BPGM: variants seen among roughly 807,000 people sequenced by gnomAD.
BPGM encodes the protein 2,3-bisphosphoglycerate mutase, erythrocyte.
A neutral mutation model predicts 21.6 loss-of-function variants in BPGM; 15 were observed. That is an observed-to-expected ratio of 0.70 (90% CI 0.47 to 1.07). The LOEUF (loss-of-function observed/expected upper bound fraction) is 1.07, where lower values mean the gene tolerates loss of function less well. Among genes scored for constraint, BPGM ranks in the 50% least tolerant of loss-of-function variants. BPGM has a pLI of 0.00. For synonymous variants in BPGM, 113 were observed against 116.2 expected (o/e 0.97, Z 0.18); for missense variants, 273 against 319.0 (o/e 0.86, Z 1.10).
rs1239636418 is a variant in BPGM, at chr7:134,661,368, T to C, written c.-61-79T>C. 2.4e-5 allele frequency: 29 copies of C among 1,230,236 alleles called. No homozygotes were observed. In the East Asian group the frequency reaches 3.5e-4, roughly 15 times the overall value. 76.2% of individuals were successfully genotyped at this position (1,230,236 alleles called of 1,614,324 possible). On this transcript the variant is annotated intron_variant, in intron 1 of 2. Transcript: ENST00000344924. This position sits in a 1 kb window ranked among gnomAD's most constrained non-coding sequence, Gnocchi z 4.6. ...AAGGGATTTCAGTTTCTTTTAGAAA[T>C]TGGGTGTTGTAAAGCGATGTTTCTA...
At chr7:134,670,310 G>C (rs1795884205) in intron 2 of BPGM, among the ~76,000 whole-genome samples, 2 of 152,208 alleles carry the variant, frequency 1.3e-5, no homozygotes, top group African/African-American at 4.8e-5. Context: ...GGGACTAGCT[G>C]TGGGGACGGG....
At position 134,665,649 on chromosome 7, in the gene BPGM, GAAAAAAAAA is replaced by G. The variant is rs1164169964; in HGVS notation, c.601+3557_601+3565del. Among the ~76,000 whole-genome samples the G allele has an allele frequency of 4.2e-4, 33 of 78,192 alleles. 8 individuals carry two copies. Among genetic ancestry groups the G allele is most frequent in the Admixed American group, 1.0e-3 (7 of 6,786 alleles). The allele number at this position is 78,192 out of a possible 152,430, so 51.3% of individuals were successfully genotyped here. ...AAAATAAAATAAAATAAAAATTAAT[GAAAAAAAAA>G]AAAAAAAAAAAAAAAGTGCAGCTTT... is the stretch of plus-strand genomic sequence containing the variant. On this transcript the variant is annotated intron_variant, in intron 2 of 2. Transcript: ENST00000344924.
Position 134,661,930 on chromosome 7 carries a change from G to C in BPGM, c.423G>C (p.Arg141Ser). ...ACCAAGAAATCTACAACGACCGGAG[G>C]TATAAAGTATGCGATGTGCCCTTGG... ...PYYQEIYNDRRYKVCDVPLDQ... is the reference protein window; with the variant it reads ...PYYQEIYNDRSYKVCDVPLDQ... Residue 141 changes from arginine to serine, a missense_variant, in exon 2 of 3, where the codon AGG (arginine) becomes AGC (serine). Coordinates refer to ENST00000344924, the MANE Select transcript of BPGM (RefSeq NM_001724.5). The surrounding 1 kb of genome is among the most constrained non-coding windows in gnomAD (Gnocchi z 4.6). The C allele has an allele frequency of 6.2e-7, 1 of 1,614,034 alleles. No homozygotes were observed. Among genetic ancestry groups the C allele is most frequent in the Non-Finnish European group, 8.5e-7 (1 of 1,179,920 alleles).
At chr7:134,676,157 T>A (rs945057259) in intron 2 of BPGM, among the ~76,000 whole-genome samples, 1 of 152,188 alleles carries the variant, frequency 6.6e-6, no homozygotes, top group Non-Finnish European at 1.5e-5. Context: ...TCTGGGTGCC[T>A]TTTATTTCAT....
At chr7:134,654,902 A>G (rs1308338008) in intron 1 of BPGM, among the ~76,000 whole-genome samples, 2 of 152,204 alleles carry the variant, frequency 1.3e-5, no homozygotes, top group Non-Finnish European at 2.9e-5. Context: ...GGGAAGGTAA[A>G]TGGACAAGAG....
At chr7:134,670,503 C>T (rs936683962) in intron 2 of BPGM, among the ~76,000 whole-genome samples, 9 of 152,092 alleles carry the variant, frequency 5.9e-5, no homozygotes, top group South Asian at 2.1e-4. Flanking sequence ...TAAAATTAAA[C>T]GTAGAATGGA....
intron 1 of BPGM, among the ~76,000 whole-genome samples, chr7:134,652,912 A>G (rs1460060708): frequency 6.6e-6 from 1 of 152,180 alleles, no homozygotes; most frequent in Non-Finnish European, 1.5e-5. Context: ...TATCTTGGCT[A>G]TTGTGAATAG....
At chr7:134,670,675 C>T (rs1795890075) in intron 2 of BPGM, among the ~76,000 whole-genome samples, 1 of 151,812 alleles carries the variant, frequency 6.6e-6, no homozygotes, top group Non-Finnish European at 1.5e-5. Flanking sequence ...CTCTTATTGG[C>T]CATAAAGGAA....
intron 1 of BPGM, among the ~76,000 whole-genome samples, chr7:134,655,336 T>G (rs1795619871): frequency 1.3e-5 from 2 of 152,174 alleles, no homozygotes; most frequent in African/African-American, 4.8e-5. Context: ...GTTCACCTTG[T>G]TCGTTTGCGT....
chr7:134,660,916 C>A (rs968595035), intron 1 of BPGM, among the ~76,000 whole-genome samples: 1 of 152,148 alleles, frequency 6.6e-6, no homozygotes, highest in African/African-American at 2.4e-5. Context: ...TTGCCACCAG[C>A]CAGTGATACA....
intron 1 of BPGM, among the ~76,000 whole-genome samples, chr7:134,651,311 A>AGTTTGTCCT (rs1795551825): frequency 6.6e-6 from 1 of 152,170 alleles, no homozygotes; most frequent in Admixed American, 6.5e-5. Flanking sequence ...TTTACCCTGT[A>AGTTTGTCCT]GTTTGTCCTA....
intron 1 of BPGM, among the ~76,000 whole-genome samples, chr7:134,655,512 CAT>C (rs1209667871): frequency 3.3e-5 from 5 of 152,088 alleles, no homozygotes; most frequent in Non-Finnish European, 7.3e-5. Flanking sequence ...ATTTACTGGC[CAT>C]ATGTTTTTGA....
chr7:134,672,901 G>A (rs1275616446), intron 2 of BPGM, among the ~76,000 whole-genome samples: 5 of 152,152 alleles, frequency 3.3e-5, no homozygotes, highest in Admixed American at 6.5e-5. Context: ...TTGGCCGGGC[G>A]CGGTGGCTCA....
intron 2 of BPGM, 56 bp downstream of exon 2, chr7:134,662,164 A>C (rs1795747505): frequency 1.2e-6 from 2 of 1,607,716 alleles, no homozygotes; most frequent in Non-Finnish European, 1.7e-6. Flanking sequence ...TCTAGGCCTT[A>C]ATCTAGAAAT....
At chr7:134,669,384 G>GT (rs897614980) in intron 2 of BPGM, among the ~76,000 whole-genome samples, 41 of 151,972 alleles carry the variant, frequency 2.7e-4, no homozygotes, top group African/African-American at 9.2e-4. Flanking sequence ...TCTAATAAAG[G>GT]TTTTTTTTAT....
intron 1 of BPGM, among the ~76,000 whole-genome samples, chr7:134,653,947 C>T (rs1057040193): frequency 1.5e-4 from 23 of 152,166 alleles, no homozygotes; most frequent in African/African-American, 5.6e-4. Flanking sequence ...TGCCTTCACT[C>T]ACTGTTCCCC....
intron 1 of BPGM, among the ~76,000 whole-genome samples, chr7:134,650,230 A>AG (rs1480138605): frequency 2.6e-5 from 4 of 152,194 alleles, no homozygotes; most frequent in African/African-American, 9.7e-5. Flanking sequence ...GATAGGAAGG[A>AG]GGGGTCCGTC....
intron 1 of BPGM, among the ~76,000 whole-genome samples, chr7:134,657,960 G>A (rs1374828435): frequency 3.3e-5 from 5 of 152,152 alleles, no homozygotes; most frequent in Non-Finnish European, 7.3e-5. Flanking sequence ...GTGGCCTAGG[G>A]GAGGTTTCCC....
In BPGM at chr7:134,673,645, T is replaced by C. The variant is rs1019204044; in HGVS notation, c.602-5208T>C. 1.1e-4 allele frequency among the ~76,000 whole-genome samples: 16 copies of C among 152,286 alleles called. 1 individual carries two copies. The East Asian group carries it at 3.1e-3, about 29-fold the overall frequency. On this transcript the variant is annotated intron_variant, in intron 2 of 2. Transcript: ENST00000344924. ...GTTAGCTGGGGATCAGACAAACTTA[T>C]TCATTCCCTTTACCAGTCGTGGGAA...
Sources: allele counts gnomAD v4.1 joint callset (sites outside exome capture counted in the v4.1 genomes callset), GRCh38; gene constraint gnomAD v4.1.1; non-coding constraint Gnocchi (gnomAD v3.1); transcripts MANE v1.5; gene names NCBI Gene and HGNC (gene_info 2026-07-23, HGNC 2026-07-21).